Variants in OVCH1 observed in about 807,000 individuals in gnomAD.
OVCH1 encodes the protein ovochymase-1.
OVCH1 carries 139 observed loss-of-function variants against 138.4 expected under a neutral mutation model. That is an observed-to-expected ratio of 1.00 (90% CI 0.87 to 1.16). The LOEUF is 1.16. Among genes scored for constraint, OVCH1 ranks in the 50% most tolerant of loss-of-function variants. The pLI, the probability that OVCH1 is intolerant of heterozygous loss-of-function variation, is 0.00. For missense variants in OVCH1, 1,367 were observed against 1,357.9 expected (o/e 1.01, Z -0.11); for synonymous variants, 453 against 467.8 (o/e 0.97, Z 0.41).
chr12:29,429,702 C>CTGTT (rs1941236522), intron 27 of OVCH1, among the ~76,000 whole-genome samples: 1 of 152,100 alleles, frequency 6.6e-6, no homozygotes, highest in Non-Finnish European at 1.5e-5. Flanking sequence ...GTTGAGTTAA[C>CTGTT]TGTTAGGATA....
chr12:29,442,887 C>A (rs1941523837), intron 25 of OVCH1, among the ~76,000 whole-genome samples: 1 of 151,716 alleles, frequency 6.6e-6, no homozygotes, highest in Admixed American at 6.6e-5. Flanking sequence ...TAGTATTTAT[C>A]AACTTGTAAA....
intron 9 of OVCH1, among the ~76,000 whole-genome samples, 164 bp downstream of exon 10, chr12:29,478,671 T>A (rs565968696): frequency 6.6e-6 from 1 of 152,112 alleles, no homozygotes; most frequent in South Asian, 2.1e-4. Flanking sequence ...TTTATTTTTG[T>A]TTTTTTGAGT....
In OVCH1 at chr12:29,469,906, T is replaced by C. The variant is rs1942446100; in HGVS notation, c.1856+1896A>G. Among the ~76,000 whole-genome samples, 2 of 152,112 alleles carry C rather than the reference T, an allele frequency of 1.3e-5. 1 individual carries two copies. Among genetic ancestry groups the C allele is most frequent in the South Asian group, 4.1e-4 (2 of 4,822 alleles). On this transcript the variant is annotated intron_variant, in intron 16 of 27. Transcript: ENST00000318184. ...GGTCAGGGAGGCAGGGAGTGGTTCTTGACCCTCTGCACATTAGAATCATTT... is the reference window on the plus strand; with the variant it reads ...GGTCAGGGAGGCAGGGAGTGGTTCTCGACCCTCTGCACATTAGAATCATTT...
chr12:29,495,245 C>T lies in OVCH1; in HGVS notation c.454+40G>A, dbSNP rs759529272. ...TAACTTGTACATAATTAGCAGTTTTCCTCCACTGCATTTTTAATATTCTAA... is the reference window on the plus strand; with the variant it reads ...TAACTTGTACATAATTAGCAGTTTTTCTCCACTGCATTTTTAATATTCTAA... On this transcript the variant is annotated intron_variant, in intron 4 of 27. Transcript: ENST00000318184. 3.9e-6 allele frequency: 6 copies of T among 1,544,270 alleles called. No homozygotes were observed. In the Admixed American group the frequency reaches 7.3e-5, roughly 19 times the overall value.
rs189201759 is a variant in OVCH1, at chr12:29,471,821, C to T, written c.1837G>A (p.Ala613Thr). 2.5e-4 allele frequency: 397 copies of T among 1,610,828 alleles called. No homozygotes were observed. The highest frequency in any genetic ancestry group is 3.2e-4 in the Non-Finnish European group (382 of 1,178,560). Reference sequence around the variant, plus strand: ...ACTCACAATTGCACACAGTGGGCTGCGGTCAGAATCCACACTGGGTTGATG... The same window carrying T: ...ACTCACAATTGCACACAGTGGGCTGTGGTCAGAATCCACACTGGGTTGATG... Residue 613 changes from alanine (A) to threonine (T), a missense_variant, in exon 16 of 28, where the codon GCA (alanine) becomes ACA (threonine). Coordinates refer to ENST00000318184, the Ensembl canonical transcript of OVCH1.
intron 4 of OVCH1, among the ~76,000 whole-genome samples, chr12:29,491,526 G>A (rs1476857593): frequency 6.6e-6 from 1 of 152,160 alleles, no homozygotes; most frequent in Non-Finnish European, 1.5e-5. Context: ...AATTAGCCAG[G>A]CCACTGCCTT....
the OVCH1 span, among the ~76,000 whole-genome samples, chr12:29,405,529 T>C: frequency 2.6e-5 from 4 of 152,348 alleles, no homozygotes; most frequent in African/African-American, 9.6e-5. Context: ...AAAACACGGA[T>C]TGCAGACTCT....
intron 22 of OVCH1, among the ~76,000 whole-genome samples, chr12:29,449,506 T>A (rs1201696618): frequency 1.3e-5 from 2 of 152,244 alleles, no homozygotes; most frequent in East Asian, 1.9e-4. Flanking sequence ...ATGGAATGTT[T>A]TTCCACTTGT....
intron 3 of OVCH1, among the ~76,000 whole-genome samples, chr12:29,414,497 G>T (rs909207927): frequency 2.0e-5 from 3 of 152,140 alleles, no homozygotes; most frequent in African/African-American, 7.2e-5. Flanking sequence ...ATAAATCTGT[G>T]CAGTTGTGCC....
chr12:29,462,721 A>G (rs992192677), intron 18 of OVCH1, among the ~76,000 whole-genome samples: 1 of 152,116 alleles, frequency 6.6e-6, no homozygotes, highest in African/African-American at 2.4e-5. Flanking sequence ...TTCCAACCTA[A>G]TAATACAACA....
intron 4 of OVCH1, among the ~76,000 whole-genome samples, chr12:29,494,879 A>G (rs1943371532): frequency 6.6e-6 from 1 of 152,210 alleles, no homozygotes; most frequent in African/African-American, 2.4e-5. Flanking sequence ...TAGAAGAGGT[A>G]AGACCTGATG....
intron 26 of OVCH1, chr12:29,439,319 G>C: frequency 6.7e-7 from 1 of 1,497,124 alleles, no homozygotes; most frequent in Non-Finnish European, 8.9e-7. Context: ...ACCTCTTTGA[G>C]TTACTCACCA....
rs146727912 is a variant in OVCH1, at chr12:29,479,257, C to CA, written c.996-350dup. Among the ~76,000 whole-genome samples, 1,533 of 152,238 alleles carry CA rather than the reference C, an allele frequency of 0.01. 90 individuals are homozygous for CA. In the East Asian group the frequency reaches 0.17, roughly 17 times the overall value. On this transcript the variant is annotated intron_variant, in intron 8 of 27. Transcript: ENST00000318184. ...GTATAAATTGAAGAAACCTAAGATT[C>CA]ATGTGAGTTATTCACCTAATTAAAA...
chr12:29,447,371 A>G (rs1402333973), intron 22 of OVCH1, among the ~76,000 whole-genome samples: 1 of 152,170 alleles, frequency 6.6e-6, no homozygotes. Context: ...TGCCTATTAA[A>G]TTGACATATT....
intron 16 of OVCH1, among the ~76,000 whole-genome samples, chr12:29,469,858 G>C (rs983922882): frequency 2.0e-5 from 3 of 152,154 alleles, no homozygotes; most frequent in Non-Finnish European, 4.4e-5. Context: ...GTGACAGAGA[G>C]ACTGGTTCTC....
At chr12:29,426,713 A>G (rs7296963), downstream of OVCH1, among the ~76,000 whole-genome samples, 82,269 of 151,990 alleles carry the variant, frequency 0.54, 22,428 homozygotes, top group Middle Eastern at 0.66. Context: ...AATCCTCTCC[A>G]TTCTATCTCC....
In OVCH1 at chr12:29,457,186, C is replaced by T. The variant is rs558605421; in HGVS notation, c.2281-1781G>A. ...CTTAAAACCCTCTTCCAGTTGTTTC[C>T]AGTTGGACAATGGTCTGATGTATCC... is the stretch of plus-strand genomic sequence containing the variant. On this transcript the variant is annotated intron_variant, in intron 19 of 27. Coordinates refer to ENST00000318184, the Ensembl canonical transcript of OVCH1. Among the ~76,000 whole-genome samples, 105 of 152,080 alleles carry T rather than the reference C, an allele frequency of 6.9e-4. 1 individual carries two copies. Among genetic ancestry groups the T allele is most frequent in the African/African-American group, 2.5e-3 (102 of 41,490 alleles).
downstream of OVCH1, among the ~76,000 whole-genome samples, chr12:29,423,725 TCTC>T (rs1941137576): frequency 6.6e-6 from 1 of 152,166 alleles, no homozygotes; most frequent in Non-Finnish European, 1.5e-5. Flanking sequence ...ACATTTAAGT[TCTC>T]CTAAAATAAA....
intron 7 of OVCH1, among the ~76,000 whole-genome samples, chr12:29,486,576 A>G (rs556932248): frequency 4.6e-5 from 7 of 152,348 alleles, no homozygotes; most frequent in Non-Finnish European, 1.5e-5. Context: ...GGTTTTAAAA[A>G]TAAGATGTGA....
Sources: allele counts gnomAD v4.1 joint callset (sites outside exome capture counted in the v4.1 genomes callset), GRCh38; gene constraint gnomAD v4.1.1; transcripts MANE v1.5; gene names NCBI Gene and HGNC (gene_info 2026-07-23, HGNC 2026-07-21).